PLCZ1: variants seen among roughly 807,000 people sequenced by gnomAD.
The protein encoded by PLCZ1 is 1-phosphatidylinositol 4,5-bisphosphate phosphodiesterase zeta-1.
PLCZ1 carries 64 observed loss-of-function variants against 76.8 expected under a neutral mutation model. The observed-to-expected ratio is 0.83, with a 90% CI of 0.68 to 1.03. The LOEUF (loss-of-function observed/expected upper bound fraction) is 1.03, where lower values mean the gene tolerates loss of function less well. Among genes scored for constraint, PLCZ1 ranks in the 50% least tolerant of loss-of-function variants. PLCZ1 has a pLI of 0.00. For synonymous variants in PLCZ1, 248 were observed against 230.8 expected, an observed-to-expected ratio of 1.07 and a Z score of -0.68; for missense variants, 751 against 713.7, an observed-to-expected ratio of 1.05 and a Z score of -0.60.
the PLCZ1 span, among the ~76,000 whole-genome samples, chr12:18,661,145 GC>G: frequency 6.6e-6 from 1 of 152,042 alleles, no homozygotes. Context: ...AGTGAACAGA[GC>G]CTAACCAACC....
the PLCZ1 span, among the ~76,000 whole-genome samples, chr12:18,655,939 C>T: frequency 7.2e-5 from 11 of 151,870 alleles, no homozygotes; most frequent in East Asian, 1.9e-4. Context: ...GATCCTGAAA[C>T]GGAAAAACTA....
chr12:18,653,701 T>C, the PLCZ1 span, among the ~76,000 whole-genome samples: 1 of 152,170 alleles, frequency 6.6e-6, no homozygotes, highest in Non-Finnish European at 1.5e-5. Flanking sequence ...TGGTGTTAAG[T>C]AGACTCTGAG....
chr12:18,649,817 C>T, the PLCZ1 span, among the ~76,000 whole-genome samples: 1 of 152,074 alleles, frequency 6.6e-6, no homozygotes. Flanking sequence ...ATTTGGCTTC[C>T]AATACCCTAC....
At chr12:18,687,046 C>T (rs1243980829) in intron 13 of PLCZ1, among the ~76,000 whole-genome samples, 2 of 152,176 alleles carry the variant, frequency 1.3e-5, no homozygotes, top group East Asian at 1.9e-4. Flanking sequence ...ATGACATCAG[C>T]AGTTACTATC....
chr12:18,713,832 A>C (rs1037010973), intron 5 of PLCZ1: 1 of 152,194 alleles, frequency 6.6e-6, no homozygotes, highest in African/African-American at 2.4e-5. Context: ...CTACCTAAAA[A>C]ATAAATATTG....
the PLCZ1 span, among the ~76,000 whole-genome samples, chr12:18,653,157 G>T: frequency 6.6e-6 from 1 of 152,122 alleles, no homozygotes; most frequent in Non-Finnish European, 1.5e-5. Flanking sequence ...ATAAAACAAA[G>T]TGGTTGCAGT....
intron 10 of PLCZ1, among the ~76,000 whole-genome samples, chr12:18,697,847 T>G (rs575099184): frequency 6.6e-6 from 1 of 151,540 alleles, no homozygotes; most frequent in Non-Finnish European, 1.5e-5. Context: ...ATTGGCATCC[T>G]TGAAGTTAAA....
intron 6 of PLCZ1, among the ~76,000 whole-genome samples, chr12:18,706,488 A>G (rs1176150035): frequency 6.6e-6 from 1 of 152,198 alleles, no homozygotes; most frequent in Non-Finnish European, 1.5e-5. Flanking sequence ...TAGAATTAGA[A>G]ACAAAGATAA....
chr12:18,699,333 T>C (rs1488966196), intron 10 of PLCZ1, among the ~76,000 whole-genome samples: 1 of 152,206 alleles, frequency 6.6e-6, no homozygotes, highest in Non-Finnish European at 1.5e-5. Flanking sequence ...GAAATCTTTA[T>C]TACCGCCTTC....
intron 6 of PLCZ1, among the ~76,000 whole-genome samples, chr12:18,708,401 C>A (rs1956891048): frequency 6.6e-6 from 1 of 152,248 alleles, no homozygotes; most frequent in African/African-American, 2.4e-5. Flanking sequence ...TTTCTTTATT[C>A]ATTTGTCTGT....
chr12:18,731,006 T>C (rs571805963), intron 3 of PLCZ1: 2 of 152,302 alleles, frequency 1.3e-5, no homozygotes, highest in African/African-American at 4.8e-5. Context: ...TATGGCCACA[T>C]GCACTGCTTG....
At chr12:18,695,995 T>C (rs1192115879) in intron 11 of PLCZ1, among the ~76,000 whole-genome samples, 155 bp downstream of exon 11, 8 of 151,992 alleles carry the variant, frequency 5.3e-5, no homozygotes, top group Admixed American at 5.3e-4. Context: ...ACTTCAACTC[T>C]TACAACACAT....
chr12:18,662,202 A>C, the PLCZ1 span, among the ~76,000 whole-genome samples: 1 of 152,034 alleles, frequency 6.6e-6, no homozygotes, highest in African/African-American at 2.4e-5. Context: ...CTACCTAAAT[A>C]GCATAGGCAC....
chr12:18,685,799 C>T, intron 13 of PLCZ1: 1 of 346,666 alleles, frequency 2.9e-6, no homozygotes, highest in Non-Finnish European at 6.0e-6. Flanking sequence ...GCCTCTGCCT[C>T]CCTTCCATCC....
At chr12:18,714,208 A>C (rs1269804168) in intron 5 of PLCZ1, among the ~76,000 whole-genome samples, 1 of 152,216 alleles carries the variant, frequency 6.6e-6, no homozygotes, top group Non-Finnish European at 1.5e-5. Flanking sequence ...TAGCGTTAAG[A>C]TAATTCTTTA....
At chr12:18,701,356 T>C (rs924284397) in intron 9 of PLCZ1, 145 bp downstream of exon 9, 41 of 1,421,192 alleles carry the variant, frequency 2.9e-5, no homozygotes, top group Non-Finnish European at 3.6e-5. Context: ...CCACCATCGA[T>C]GTTTTCAAAG....
chr12:18,689,658 G>A (rs376168352), intron 12 of PLCZ1, among the ~76,000 whole-genome samples: 1 of 152,060 alleles, frequency 6.6e-6, no homozygotes, highest in African/African-American at 2.4e-5. Context: ...AGCCCTCAGT[G>A]GTCAACTCTG....
At chr12:18,709,399 A>G (rs902692913) in intron 6 of PLCZ1, among the ~76,000 whole-genome samples, 2 of 152,140 alleles carry the variant, frequency 1.3e-5, no homozygotes, top group Admixed American at 6.6e-5. Context: ...GCACAGGACC[A>G]TGCTGTATTG....
chr12:18,653,462 G>T, the PLCZ1 span, among the ~76,000 whole-genome samples: 1 of 152,104 alleles, frequency 6.6e-6, no homozygotes, highest in South Asian at 2.1e-4. Context: ...CCTGATATTT[G>T]AACAGTGACT....
Sources: allele counts gnomAD v4.1 joint callset (sites outside exome capture counted in the v4.1 genomes callset), GRCh38; gene constraint gnomAD v4.1.1; transcripts MANE v1.5; gene names NCBI Gene and HGNC (gene_info 2026-07-23, HGNC 2026-07-21).